Variants in ITGB2 observed in about 807,000 individuals in gnomAD.
ITGB2 encodes the protein integrin beta-2.
ITGB2 carries 56 observed loss-of-function variants against 86.8 expected under a neutral mutation model. The ratio of observed to expected loss-of-function variants is 0.65; its 90% CI spans 0.52 to 0.81. The LOEUF is 0.81. Ranked by LOEUF, ITGB2 falls within the 30% of genes least tolerant of loss-of-function variation. The pLI is 0.00. For synonymous variants in ITGB2, 457 were observed against 450.4 expected, an observed-to-expected ratio of 1.01 and a Z score of -0.19; for missense variants, 948 against 1,061.2, an observed-to-expected ratio of 0.89 and a Z score of 1.48.
upstream of ITGB2, among the ~76,000 whole-genome samples, chr21:44,924,511 A>G (rs2838738): frequency 0.55 from 83,651 of 152,050 alleles, 24,645 homozygotes; most frequent in African/African-American, 0.77. Flanking sequence ...TGAGGAACGT[A>G]ACCATTCGTC....
chr21:44,888,230 G>C (rs1370183494), intron 14 of ITGB2, among the ~76,000 whole-genome samples: 1 of 152,234 alleles, frequency 6.6e-6, no homozygotes, highest in African/African-American at 2.4e-5. Context: ...TGGGGACGGT[G>C]GTGCCTGGTG....
chr21:44,919,592 A>C (rs764135956), intron 1 of ITGB2, among the ~76,000 whole-genome samples: 11 of 152,194 alleles, frequency 7.2e-5, no homozygotes, highest in Admixed American at 2.0e-4. Flanking sequence ...ATCCGGCCTC[A>C]GCCCCCAAAC....
At chr21:44,907,868 C>T (rs547508414) in intron 3 of ITGB2, 1 of 589,770 alleles carries the variant, frequency 1.7e-6, no homozygotes, top group East Asian at 2.8e-5. Flanking sequence ...TTGTAGGGCT[C>T]TGACTTTTGG....
chr21:44,913,657 A>G (rs976973471), intron 1 of ITGB2, among the ~76,000 whole-genome samples: 1 of 152,084 alleles, frequency 6.6e-6, no homozygotes, highest in Non-Finnish European at 1.5e-5. Context: ...TCCAGGAGGT[A>G]AGGCAGTGCA....
chr21:44,916,649 CCT>C (rs2084214886), intron 1 of ITGB2, among the ~76,000 whole-genome samples: 1 of 152,050 alleles, frequency 6.6e-6, no homozygotes, highest in Admixed American at 6.5e-5. Flanking sequence ...AGGCGGATCA[CCT>C]GAGGTCAGGA....
chr21:44,915,959 G>A (rs2084203211), intron 1 of ITGB2, among the ~76,000 whole-genome samples: 1 of 152,148 alleles, frequency 6.6e-6, no homozygotes, highest in Non-Finnish European at 1.5e-5. Context: ...GTCTCACTCT[G>A]TCATCCAGGC....
chr21:44,918,392 C>G (rs138404384), intron 1 of ITGB2, among the ~76,000 whole-genome samples: 10 of 152,360 alleles, frequency 6.6e-5, no homozygotes, highest in Admixed American at 2.6e-4. Flanking sequence ...CCTGGTGGGG[C>G]CCGGCCTGGG....
At chr21:44,920,444 G>T (rs2084285865) in intron 1 of ITGB2, among the ~76,000 whole-genome samples, 1 of 152,168 alleles carries the variant, frequency 6.6e-6, no homozygotes, top group African/African-American at 2.4e-5. Context: ...GGCGCAGCAG[G>T]TTCACAGAGG....
intron 8 of ITGB2, among the ~76,000 whole-genome samples, chr21:44,898,713 GGA>G (rs1417205694): frequency 6.6e-6 from 1 of 152,204 alleles, no homozygotes; most frequent in African/African-American, 2.4e-5. Flanking sequence ...TTATCTTCAC[GGA>G]GAGTGTTGAT....
chr21:44,907,263 A>G (rs1322201033), intron 3 of ITGB2, among the ~76,000 whole-genome samples, 168 bp from the exon 4 acceptor site: 2 of 152,112 alleles, frequency 1.3e-5, no homozygotes, highest in African/African-American at 2.4e-5. Flanking sequence ...AGCCTCCCAG[A>G]CAGCCCCTCC....
At chr21:44,889,646 C>T (rs560380833) in intron 12 of ITGB2, 151 bp from the exon 13 acceptor site, 113 of 849,848 alleles carry the variant, frequency 1.3e-4, no homozygotes, top group African/African-American at 9.0e-4. Context: ...CTAGCCAGGC[C>T]CTTCTGCCCC....
chr21:44,925,527 C>A (rs2084362381), upstream of ITGB2, among the ~76,000 whole-genome samples: 1 of 152,042 alleles, frequency 6.6e-6, no homozygotes, highest in Non-Finnish European at 1.5e-5. Flanking sequence ...AGAACCACAG[C>A]CCACAAGAGG....
intron 14 of ITGB2, among the ~76,000 whole-genome samples, chr21:44,888,307 C>T (rs573694441): frequency 2.6e-4 from 39 of 151,980 alleles, no homozygotes; most frequent in Admixed American, 7.2e-4. Context: ...AGGAGCCTCA[C>T]GCAGCAACCT....
intron 1 of ITGB2, among the ~76,000 whole-genome samples, chr21:44,919,088 C>T (rs560234143): frequency 7.4e-4 from 93 of 125,368 alleles, no homozygotes; most frequent in African/African-American, 2.7e-3. Context: ...GCGGCAGTGA[C>T]GCTGCGGAGC....
In ITGB2 at chr21:44,889,386, C is replaced by T; in HGVS notation, c.1767G>A (p.Glu589=). The part of the protein sequence containing the change: ...TEGCLNPRRV[E]CSGRGRCRCN... ...AGCGGCACCGGCCACGACCACTACA[C>T]TCAACACGCCGCGGGTTCAGGCAGC... The change falls in exon 13 of 16, where the codon GAG becomes GAA. Residue 589 remains glutamate, a synonymous_variant. Transcript: ENST00000652462. 6.2e-7 allele frequency: 1 copy of T among 1,612,876 alleles called. No individual in the cohort carries two copies. Among genetic ancestry groups the T allele is most frequent in the Non-Finnish European group, 8.5e-7 (1 of 1,179,856 alleles).
intron 9 of ITGB2, chr21:44,893,866 T>C: frequency 2.7e-6 from 1 of 372,156 alleles, no homozygotes; most frequent in Non-Finnish European, 5.2e-6. Context: ...GTTCAAGCGA[T>C]AAGAGAGATG....
intron 1 of ITGB2, chr21:44,928,171 C>T (rs932359985): frequency 3.3e-5 from 5 of 152,202 alleles, no homozygotes; most frequent in African/African-American, 1.2e-4. Flanking sequence ...GATTTCACAG[C>T]CCCTGGCAAG....
intron 6 of ITGB2, 108 bp from the exon 7 acceptor site, chr21:44,900,583 G>A (rs1323324290): frequency 5.8e-6 from 8 of 1,388,276 alleles, no homozygotes; most frequent in Non-Finnish European, 8.0e-6. Flanking sequence ...GGAGGCTGGT[G>A]TGGGTCCCCC....
chr21:44,916,081 C>T (rs556863065), intron 1 of ITGB2, among the ~76,000 whole-genome samples: 125 of 152,164 alleles, frequency 8.2e-4, no homozygotes, highest in Middle Eastern at 3.4e-3. Context: ...CACCACTAGG[C>T]CCAGCTAATT....
Sources: gnomAD v4.1 joint callset for allele counts (sites outside exome capture counted in the v4.1 genomes callset) on GRCh38, gnomAD v4.1.1 for gene constraint, MANE v1.5 for transcripts, NCBI Gene and HGNC (gene_info 2026-07-23, HGNC 2026-07-21) for gene names.